SEMA3A: variants seen among roughly 807,000 people sequenced by gnomAD.
SEMA3A encodes the protein semaphorin-3A.
In SEMA3A, 29 loss-of-function variants were observed where a neutral mutation model predicts 97.9. The observed-to-expected ratio is 0.30, with a 90% CI of 0.22 to 0.40. The LOEUF (loss-of-function observed/expected upper bound fraction) is 0.40, where lower values mean the gene tolerates loss of function less well. Among genes scored for constraint, SEMA3A ranks in the 10% least tolerant of loss-of-function variants. The probability of loss-of-function intolerance (pLI) is 1.00; values close to 1 mark genes in which losing one functional copy is unlikely to be tolerated. For missense variants in SEMA3A, 763 were observed against 951.3 expected, an observed-to-expected ratio of 0.80 and a Z score of 2.60; for synonymous variants, 321 against 323.7, an observed-to-expected ratio of 0.99 and a Z score of 0.09.
At chr7:84,289,183 G>A (rs1800675905) in intron 3 of SEMA3A, among the ~76,000 whole-genome samples, 1 of 152,094 alleles carries the variant, frequency 6.6e-6, no homozygotes, top group Non-Finnish European at 1.5e-5. Flanking sequence ...TGGAATTAGA[G>A]AGTAGAATAG....
At chr7:84,322,118 C>T (rs1801663912) in intron 2 of SEMA3A, among the ~76,000 whole-genome samples, 1 of 151,278 alleles carries the variant, frequency 6.6e-6, no homozygotes, top group African/African-American at 2.4e-5. Flanking sequence ...AACTCACTCA[C>T]CATCATGAGA....
chr7:84,461,424 A>G (rs1805836019), intron 1 of SEMA3A, among the ~76,000 whole-genome samples: 1 of 151,966 alleles, frequency 6.6e-6, no homozygotes, highest in Non-Finnish European at 1.5e-5. Context: ...GTAATTTTCC[A>G]TCATGAATAT....
At chr7:84,025,437 A>G (rs962554417) in intron 6 of SEMA3A, among the ~76,000 whole-genome samples, 1 of 152,190 alleles carries the variant, frequency 6.6e-6, no homozygotes, top group Non-Finnish European at 1.5e-5. Flanking sequence ...TCAATAGACC[A>G]TGAATGGGAA....
chr7:84,253,659 C>T (rs146079798), intron 3 of SEMA3A, among the ~76,000 whole-genome samples: 421 of 152,090 alleles, frequency 2.8e-3, no homozygotes, highest in Admixed American at 6.7e-3. Context: ...TTCTCCATTG[C>T]AGTAAGAAGT....
intron 1 of SEMA3A, among the ~76,000 whole-genome samples, chr7:84,438,708 A>G (rs962895168): frequency 4.6e-5 from 7 of 152,096 alleles, no homozygotes; most frequent in Non-Finnish European, 8.8e-5. Flanking sequence ...TATGGTAAGT[A>G]ATAAGATGGT....
intron 2 of SEMA3A, among the ~76,000 whole-genome samples, chr7:84,335,821 ATAAAT>A (rs1326447676): frequency 4.6e-5 from 7 of 152,262 alleles, no homozygotes; most frequent in African/African-American, 1.7e-4. Context: ...ATTAAAATAA[ATAAAT>A]TAAAAGGTGA....
At chr7:84,177,740 A>C (rs990704619) in intron 1 of SEMA3A, among the ~76,000 whole-genome samples, 1 of 152,088 alleles carries the variant, frequency 6.6e-6, no homozygotes, top group Non-Finnish European at 1.5e-5. Flanking sequence ...ATTTATTTTT[A>C]AGGAAAGTTT....
chr7:84,411,468 T>C (rs1013060521), intron 1 of SEMA3A, among the ~76,000 whole-genome samples: 10 of 151,978 alleles, frequency 6.6e-5, no homozygotes, highest in Non-Finnish European at 1.2e-4. Flanking sequence ...GTTTCCAAAA[T>C]ATCAGCCTAA....
chr7:84,365,014 C>T (rs1400802125), intron 2 of SEMA3A, among the ~76,000 whole-genome samples: 1 of 151,396 alleles, frequency 6.6e-6, no homozygotes, highest in Non-Finnish European at 1.5e-5. Flanking sequence ...TAGGACCCTG[C>T]CTTACCATTA....
At chr7:84,045,971 G>GA (rs199548362) in intron 6 of SEMA3A, among the ~76,000 whole-genome samples, 92,622 of 148,222 alleles carry the variant, frequency 0.62, 29,019 homozygotes, top group Non-Finnish European at 0.67. Context: ...AGATGTAAAG[G>GA]AAAAAAAAAA....
At chr7:84,240,949 G>A (rs1394780211) in intron 3 of SEMA3A, among the ~76,000 whole-genome samples, 4 of 152,086 alleles carry the variant, frequency 2.6e-5, no homozygotes, top group African/African-American at 9.7e-5. Context: ...CCTTTTTTAT[G>A]GCTGCATAAT....
At chr7:84,244,607 C>A (rs919001809) in intron 3 of SEMA3A, among the ~76,000 whole-genome samples, 1 of 152,016 alleles carries the variant, frequency 6.6e-6, no homozygotes, top group Non-Finnish European at 1.5e-5. Context: ...AATATTGTTA[C>A]GTGTGAATTT....
At chr7:84,206,028 T>C (rs1001586116) in intron 3 of SEMA3A, among the ~76,000 whole-genome samples, 10 of 152,258 alleles carry the variant, frequency 6.6e-5, no homozygotes, top group Admixed American at 2.6e-4. Flanking sequence ...ATAGAGATGA[T>C]TGAGTTACAT....
chr7:84,176,140 T>C lies in SEMA3A; in HGVS notation c.112+18335A>G, dbSNP rs779955029. On this transcript the variant is annotated intron_variant, in intron 1 of 16. Transcript: ENST00000265362. ...ATACAATAATCTTGTTTCCTGGGGT[T>C]TATAAATTGTTTAGGATGCAGTTCT... Among the ~76,000 whole-genome samples the C allele has an allele frequency of 8.6e-4, 131 of 152,204 alleles. 1 individual carries two copies. The highest frequency in any genetic ancestry group is 1.7e-3 in the Non-Finnish European group (114 of 68,024).
At chr7:84,311,581 C>T (rs1469641988) in intron 2 of SEMA3A, among the ~76,000 whole-genome samples, 3 of 151,852 alleles carry the variant, frequency 2.0e-5, no homozygotes, top group Admixed American at 2.0e-4. Flanking sequence ...TTATAGTACA[C>T]CCTTCAGGGG....
At chr7:84,450,421 C>T (rs1805526598) in intron 1 of SEMA3A, among the ~76,000 whole-genome samples, 1 of 152,138 alleles carries the variant, frequency 6.6e-6, no homozygotes, top group Non-Finnish European at 1.5e-5. Context: ...TTATTCCTCC[C>T]AGAACAGGAC....
chr7:84,220,133 G>T (rs1186804064), intron 3 of SEMA3A, among the ~76,000 whole-genome samples: 1 of 152,072 alleles, frequency 6.6e-6, no homozygotes, highest in African/African-American at 2.4e-5. Context: ...TAAATATTTT[G>T]TTATTTCAAT....
At chr7:84,371,943 T>C (rs1241545759) in intron 1 of SEMA3A, 1 of 152,072 alleles carries the variant, frequency 6.6e-6, no homozygotes, top group Non-Finnish European at 1.5e-5. Context: ...GTTTGAACTT[T>C]GACGCAAACT....
chr7:84,422,937 T>C (rs1244263061), intron 1 of SEMA3A, among the ~76,000 whole-genome samples: 1 of 152,042 alleles, frequency 6.6e-6, no homozygotes, highest in East Asian at 1.9e-4. Context: ...CAGTCTATCC[T>C]TTTAACCATG....
Sources: gnomAD v4.1 joint callset for allele counts (sites outside exome capture counted in the v4.1 genomes callset) on GRCh38, gnomAD v4.1.1 for gene constraint, MANE v1.5 for transcripts, NCBI Gene and HGNC (gene_info 2026-07-23, HGNC 2026-07-21) for gene names.